EFNB3: variants seen among roughly 807,000 people sequenced by gnomAD.
EFNB3 encodes the protein ephrin B3.
In EFNB3, 14 loss-of-function variants were observed where a neutral mutation model predicts 29.8. The ratio of observed to expected loss-of-function variants is 0.47; its 90% CI spans 0.31 to 0.73. The LOEUF is 0.73. Among genes scored for constraint, EFNB3 ranks in the 30% least tolerant of loss-of-function variants. EFNB3 has a pLI of 0.05. For missense variants in EFNB3, 408 were observed against 458.0 expected, an observed-to-expected ratio of 0.89 and a Z score of 1.00; for synonymous variants, 216 against 191.6, an observed-to-expected ratio of 1.13 and a Z score of -1.05.
Position 7,708,377 on chromosome 17 carries a change from C to G in EFNB3, c.416-58C>G. 1 of 1,590,272 alleles carries G rather than the reference C, an allele frequency of 6.3e-7. No homozygotes were observed. Among genetic ancestry groups the G allele is most frequent in the East Asian group, 2.2e-5 (1 of 44,636 alleles). On this transcript the variant is annotated intron_variant, in intron 2 of 4. Transcript: ENST00000226091. The surrounding 1 kb of genome is among the most constrained non-coding windows in gnomAD (Gnocchi z 6.8). The stretch of plus-strand genomic sequence containing the variant: ...GCAGTGTTCACACCAGGGTGTGGGG[C>G]CAGAATCAGGGCTAGATTCTGGAGT...
chr17:7,707,812 TAAG>T (rs2074332422), intron 1 of EFNB3, 143 bp from the exon 2 acceptor site: 1 of 917,050 alleles, frequency 1.1e-6, no homozygotes, highest in African/African-American at 1.7e-5. Flanking sequence ...GCCTGCTCTA[TAAG>T]AAGAGACTTT....
Position 7,708,360 on chromosome 17 carries a change from C to A in EFNB3, c.416-75C>A. ...GATCCCAGTGCCCTCAGGCAGTGTT[C>A]ACACCAGGGTGTGGGGCCAGAATCA... On this transcript the variant is annotated intron_variant, in intron 2 of 4. Transcript: ENST00000226091. The surrounding 1 kb of genome is among the most constrained non-coding windows in gnomAD (Gnocchi z 6.8). The A allele has an allele frequency of 6.3e-7, 1 of 1,586,028 alleles. No homozygotes were observed. The highest frequency in any genetic ancestry group is 1.2e-5 in the South Asian group (1 of 86,174).
At position 7,708,590 on chromosome 17, in the gene EFNB3, T is replaced by C; in HGVS notation, c.509-45T>C. ...GACGTTGGGGCAGTACGATCATGGTTGGGGCAGTTGTCTCAGCCCCTCTCT... is the reference window on the plus strand; with the variant it reads ...GACGTTGGGGCAGTACGATCATGGTCGGGGCAGTTGTCTCAGCCCCTCTCT... On this transcript the variant is annotated intron_variant, in intron 3 of 4. Transcript: ENST00000226091. This position sits in a 1 kb window ranked among gnomAD's most constrained non-coding sequence, Gnocchi z 6.8. 1.9e-6 allele frequency: 3 copies of C among 1,590,344 alleles called. No individual in the cohort carries two copies. The highest frequency in any genetic ancestry group is 2.6e-6 in the Non-Finnish European group (3 of 1,167,282).
In EFNB3 at chr17:7,708,281, G is replaced by A. The variant is rs2074334396; in HGVS notation, c.415+31G>A. On this transcript the variant is annotated intron_variant, in intron 2 of 4. Transcript: ENST00000226091. This position sits in a 1 kb window ranked among gnomAD's most constrained non-coding sequence, Gnocchi z 6.8. ...GCTGGGCAGAGGGCACGATTGAGTG[G>A]GGGGCTCCTGATACTGAGCAGAGAG... 4.4e-6 allele frequency: 7 copies of A among 1,602,428 alleles called. No homozygotes were observed. Among genetic ancestry groups the A allele is most frequent in the Non-Finnish European group, 6.0e-6 (7 of 1,175,434 alleles).
chr17:7,709,070 G>A lies in EFNB3; in HGVS notation c.614-97G>A. 1.6e-6 allele frequency: 2 copies of A among 1,268,624 alleles called. No homozygotes were observed. Among genetic ancestry groups the A allele is most frequent in the Admixed American group, 2.1e-5 (1 of 46,576 alleles). 78.6% of individuals were successfully genotyped at this position (1,268,624 alleles called of 1,614,324 possible). On this transcript the variant is annotated intron_variant, in intron 4 of 4. Coordinates refer to ENST00000226091, the MANE Select transcript of EFNB3 (RefSeq NM_001406.4). This position sits in a 1 kb window ranked among gnomAD's most constrained non-coding sequence, Gnocchi z 4.5. ...TCCCCAAGGGGCCTGGGCGCTACAAGGGAAGCCCATGGGGACCCCCAGGGT... is the reference window on the plus strand; with the variant it reads ...TCCCCAAGGGGCCTGGGCGCTACAAAGGAAGCCCATGGGGACCCCCAGGGT...
rs2074337270 is a variant in EFNB3 at position 7,708,757 on chromosome 17, G to C, written c.613+18G>C. On this transcript the variant is annotated intron_variant, in intron 4 of 4. Coordinates refer to ENST00000226091, the MANE Select transcript of EFNB3 (RefSeq NM_001406.4). The surrounding 1 kb of genome is among the most constrained non-coding windows in gnomAD (Gnocchi z 6.8). The stretch of plus-strand genomic sequence containing the variant: ...CCTGCCAGGTAGGAACCAGGGGCTA[G>C]GCCCCTGCCTTCCCCAGCTTCCTCT... The C allele has an allele frequency of 1.3e-6, 2 of 1,527,760 alleles. No homozygotes were observed. The highest frequency in any genetic ancestry group is 1.8e-6 in the Non-Finnish European group (2 of 1,135,600). The allele number at this position is 1,527,760 out of a possible 1,614,324, so 94.6% of individuals were successfully genotyped here.
Position 7,708,807 on chromosome 17 carries a change from C to T in EFNB3, c.613+68C>T, listed in dbSNP as rs12451095. 23 of 1,373,564 alleles carry T rather than the reference C, an allele frequency of 1.7e-5. No individual in the cohort carries two copies. Among genetic ancestry groups the T allele is most frequent in the Admixed American group, 8.1e-5 (3 of 37,040 alleles). The allele number at this position is 1,373,564 out of a possible 1,614,324, so 85.1% of individuals were successfully genotyped here. On this transcript the variant is annotated intron_variant, in intron 4 of 4. Transcript: ENST00000226091. This position sits in a 1 kb window ranked among gnomAD's most constrained non-coding sequence, Gnocchi z 6.8. ...TGCTCTCAGACCCCAGCTGCCCTGC[C>T]GTCACCCTCCCTCCCTCTTCAGTTT...
chr17:7,707,232 G>A (rs1468662916), intron 1 of EFNB3, among the ~76,000 whole-genome samples: 1 of 152,170 alleles, frequency 6.6e-6, no homozygotes, highest in Admixed American at 6.5e-5. Flanking sequence ...CCAAGGAGAT[G>A]GTGAAGTGTG....
rs1479136242 is a variant in EFNB3 at position 7,710,476 on chromosome 17, G to A, written c.*900G>A. The A allele has an allele frequency of 1.3e-5, 2 of 152,746 alleles. No homozygotes were observed. Among genetic ancestry groups the A allele is most frequent in the East Asian group, 3.8e-4 (2 of 5,202 alleles). 9.5% of individuals were successfully genotyped at this position (152,746 alleles called of 1,614,324 possible). A position where few individuals can be genotyped will look rare whatever the true frequency, so the allele number is the denominator to read the frequency against. On this transcript the variant is annotated 3_prime_UTR_variant, in exon 5 of 5. Transcript: ENST00000226091. ...AGAAATGGCCTGGGAAGTAGCAGAAGCAGTGCAGCAGGAACTGGAAGTGCC... is the reference window on the plus strand; with the variant it reads ...AGAAATGGCCTGGGAAGTAGCAGAAACAGTGCAGCAGGAACTGGAAGTGCC...
Position 7,709,211 on chromosome 17 carries a change from C to T in EFNB3, c.658C>T (p.Leu220=), listed in dbSNP as rs1468609198. ...AACCTCCCGGGGTGCTGAAGGCCCC[C>T]TGCCCCCTCCCAGCATGCCTGCAGT... ...NATSRGAEGP[L]PPPSMPAVAG... Residue 220 remains leucine (L), a synonymous_variant, in exon 5 of 5, where the codon CTG becomes TTG. Coordinates refer to ENST00000226091, the MANE Select transcript of EFNB3 (RefSeq NM_001406.4). The surrounding 1 kb of genome is among the most constrained non-coding windows in gnomAD (Gnocchi z 4.5). 6.2e-7 allele frequency: 1 copy of T among 1,603,762 alleles called. No individual in the cohort carries two copies. The highest frequency in any genetic ancestry group is 8.5e-7 in the Non-Finnish European group (1 of 1,178,090).
rs1053047302 is a variant in EFNB3, at chr17:7,705,240, G to A, written c.-359G>A. ...AGCCCGCTGCCCTCAATCCCAGCGA[G>A]GCTGGGGCTCCGGCTCGGCGCCCCC... On this transcript the variant is annotated 5_prime_UTR_variant, in exon 1 of 5. Transcript: ENST00000226091. This position sits in a 1 kb window ranked among gnomAD's most constrained non-coding sequence, Gnocchi z 5.4. 5.7e-6 allele frequency: 1 copy of A among 174,320 alleles called. No homozygotes were observed. The highest frequency in any genetic ancestry group is 2.4e-5 in the African/African-American group (1 of 41,832). 10.8% of individuals were successfully genotyped at this position (174,320 alleles called of 1,614,324 possible).
At position 7,708,094 on chromosome 17, in the gene EFNB3, G is replaced by A; in HGVS notation, c.259G>A (p.Ala87Thr). The A allele has an allele frequency of 6.2e-7, 1 of 1,614,126 alleles. No individual in the cohort carries two copies. Among genetic ancestry groups the A allele is most frequent in the Non-Finnish European group, 8.5e-7 (1 of 1,180,016 alleles). ...EFYKLYLVGG[A>T]QGRRCEAPPA... Reference sequence around the variant, plus strand: ...CTACAAGCTGTACCTGGTAGGGGGTGCTCAGGGCCGGCGCTGTGAGGCACC... The same window carrying A: ...CTACAAGCTGTACCTGGTAGGGGGTACTCAGGGCCGGCGCTGTGAGGCACC... Residue 87 changes from alanine (A) to threonine (T), a missense_variant, in exon 2 of 5, where the codon GCT (alanine) becomes ACT (threonine). Transcript: ENST00000226091. The surrounding 1 kb of genome is among the most constrained non-coding windows in gnomAD (Gnocchi z 6.8).
At position 7,709,047 on chromosome 17, in the gene EFNB3, C is replaced by T; in HGVS notation, c.614-120C>T. 9.4e-7 allele frequency: 1 copy of T among 1,067,062 alleles called. No homozygotes were observed. The highest frequency in any genetic ancestry group is 2.3e-5 in the Admixed American group (1 of 43,726). 66.1% of individuals were successfully genotyped at this position (1,067,062 alleles called of 1,614,324 possible). A position where few individuals can be genotyped will look rare whatever the true frequency, so the allele number is the denominator to read the frequency against. Reference sequence around the variant, plus strand: ...TCGGAGGGGGAGGAGAGATGGGGTCCCCAAGGGGCCTGGGCGCTACAAGGG... The same window carrying T: ...TCGGAGGGGGAGGAGAGATGGGGTCTCCAAGGGGCCTGGGCGCTACAAGGG... On this transcript the variant is annotated intron_variant, in intron 4 of 4. Coordinates refer to ENST00000226091, the MANE Select transcript of EFNB3 (RefSeq NM_001406.4). The surrounding 1 kb of genome is among the most constrained non-coding windows in gnomAD (Gnocchi z 4.5).
rs761902972 is a variant in EFNB3, at chr17:7,709,271, C to A, written c.718C>A (p.Leu240Met). ...AGCAGGGGGGCTGGCGCTGCTCTTG[C>A]TGGGCGTGGCAGGGGCTGGGGGTGC... ...GAAGGLALLL[L>M]GVAGAGGAMC... The change falls in exon 5 of 5, where the codon CTG becomes ATG. Residue 240 changes from leucine to methionine, a missense_variant. Physicochemically the swap from Leu to Met is conservative, Grantham distance 15. Around this residue, in one of 3 missense-constraint regions of EFNB3, gnomAD observed 233 missense variants for 230.7 expected, o/e 1.01. Coordinates refer to ENST00000226091, the MANE Select transcript of EFNB3 (RefSeq NM_001406.4). The surrounding 1 kb of genome is among the most constrained non-coding windows in gnomAD (Gnocchi z 4.5). 6.3e-7 allele frequency: 1 copy of A among 1,583,696 alleles called. No homozygotes were observed. The highest frequency in any genetic ancestry group is 8.6e-7 in the Non-Finnish European group (1 of 1,169,366).
At position 7,705,537 on chromosome 17, in the gene EFNB3, A is replaced by T; in HGVS notation, c.-62A>T. 1 of 998,742 alleles carries T rather than the reference A, an allele frequency of 1.0e-6. No homozygotes were observed. The highest frequency in any genetic ancestry group is 1.4e-6 in the Non-Finnish European group (1 of 725,724). 61.9% of individuals were successfully genotyped at this position (998,742 alleles called of 1,614,324 possible). On this transcript the variant is annotated 5_prime_UTR_variant, in exon 1 of 5. Transcript: ENST00000226091. The surrounding 1 kb of genome is among the most constrained non-coding windows in gnomAD (Gnocchi z 5.4). ...GAAGAGCCAGGCAGCCAAGGCAGCC[A>T]CCCCGGGGGGTGGGCGACTTTGGGG...
At chr17:7,706,371 C>A (rs1478287269) in intron 1 of EFNB3, among the ~76,000 whole-genome samples, 1 of 152,064 alleles carries the variant, frequency 6.6e-6, no homozygotes, top group Non-Finnish European at 1.5e-5. Context: ...TCCTTCCTTC[C>A]CTTTTGCATC....
At position 7,710,762 on chromosome 17, in the gene EFNB3, G is replaced by A. The variant is rs2074347019; in HGVS notation, c.*1186G>A. 2 of 152,642 alleles carry A rather than the reference G, an allele frequency of 1.3e-5. No homozygotes were observed. Among genetic ancestry groups the A allele is most frequent in the Admixed American group, 1.3e-4 (2 of 15,270 alleles). 9.5% of individuals were successfully genotyped at this position (152,642 alleles called of 1,614,324 possible). A position where few individuals can be genotyped will look rare whatever the true frequency, so the allele number is the denominator to read the frequency against. On this transcript the variant is annotated 3_prime_UTR_variant, in exon 5 of 5. Transcript: ENST00000226091. ...CCCTTGTGCTCTGTGCTGATTTTAG[G>A]ACAGCTAAGATGACTGCCATGTGCT...
At chr17:7,706,570 C>G (rs1220940658) in intron 1 of EFNB3, among the ~76,000 whole-genome samples, 1 of 152,154 alleles carries the variant, frequency 6.6e-6, no homozygotes, top group East Asian at 1.9e-4. Context: ...TCCCACTTCC[C>G]GCTCATAAAA....
rs2074340929 is a variant in EFNB3, at chr17:7,709,441, T to A, written c.888T>A (p.Ala296=). ...CTGAGCCTGGGGAGCTAGGGATAGC[T>A]CTGCGGGGTGGCGGGGCTGCAGATC... is the stretch of plus-strand genomic sequence containing the variant. ...REAEPGELGI[A]LRGGGAADPP... The change falls in exon 5 of 5, where the codon GCT becomes GCA. Residue 296 remains alanine (A), a synonymous_variant. Coordinates refer to ENST00000226091, the MANE Select transcript of EFNB3 (RefSeq NM_001406.4). The surrounding 1 kb of genome is among the most constrained non-coding windows in gnomAD (Gnocchi z 4.5). 6.2e-7 allele frequency: 1 copy of A among 1,613,404 alleles called. No homozygotes were observed. The highest frequency in any genetic ancestry group is 8.5e-7 in the Non-Finnish European group (1 of 1,179,646).
Sources: allele counts gnomAD v4.1 joint callset (sites outside exome capture counted in the v4.1 genomes callset), GRCh38; gene constraint gnomAD v4.1.1; regional missense constraint gnomAD v4.1.1; non-coding constraint Gnocchi (gnomAD v3.1); transcripts MANE v1.5; gene names NCBI Gene and HGNC (gene_info 2026-07-23, HGNC 2026-07-21).